PPP1R14D: variants seen among roughly 807,000 people sequenced by gnomAD.
The protein encoded by PPP1R14D is protein phosphatase 1 regulatory subunit 14D.
PPP1R14D carries 14 observed loss-of-function variants against 17.1 expected under a neutral mutation model. That is an observed-to-expected ratio of 0.82 (90% CI 0.54 to 1.28). The LOEUF is 1.28. Among genes scored for constraint, PPP1R14D ranks in the 50% most tolerant of loss-of-function variants. The pLI, the probability that PPP1R14D is intolerant of heterozygous loss-of-function variation, is 0.00. For synonymous variants in PPP1R14D, 67 were observed against 66.1 expected (o/e 1.01, Z -0.06); for missense variants, 173 against 179.2 (o/e 0.97, Z 0.20).
At chr15:40,825,212 G>C (rs1040088187) in intron 1 of PPP1R14D, among the ~76,000 whole-genome samples, 4 of 151,716 alleles carry the variant, frequency 2.6e-5, no homozygotes, top group Non-Finnish European at 5.9e-5. Context: ...TTGAACCTGG[G>C]AGGCGGAGGT....
intron 1 of PPP1R14D, among the ~76,000 whole-genome samples, chr15:40,816,595 C>T (rs1890671400): frequency 6.6e-6 from 1 of 151,552 alleles, no homozygotes; most frequent in African/African-American, 2.4e-5. Flanking sequence ...CGCCTGTAAT[C>T]CCAGCTACTT....
intron 3 of PPP1R14D, 53 bp downstream of exon 3, chr15:40,815,909 C>T: frequency 2.5e-6 from 4 of 1,595,280 alleles, no homozygotes; most frequent in Non-Finnish European, 3.4e-6. Context: ...TCATTAGCTA[C>T]CTCCCCCATT....
At chr15:40,826,244 A>G (rs949675103) in intron 1 of PPP1R14D, among the ~76,000 whole-genome samples, 19 of 152,148 alleles carry the variant, frequency 1.2e-4, no homozygotes, top group African/African-American at 4.6e-4. Context: ...TAGTTTCGAG[A>G]TAGACTGGGT....
At chr15:40,821,333 T>A (rs934674455) in intron 1 of PPP1R14D, among the ~76,000 whole-genome samples, 1 of 151,562 alleles carries the variant, frequency 6.6e-6, no homozygotes, top group Admixed American at 6.6e-5. Flanking sequence ...AGAGTCTGTC[T>A]CAAAACAAAC....
chr15:40,817,234 G>A (rs1208427014), intron 1 of PPP1R14D: 2 of 303,376 alleles, frequency 6.6e-6, no homozygotes, highest in South Asian at 4.7e-5. Flanking sequence ...GCGCATACCC[G>A]TAATCCCAGC....
intron 1 of PPP1R14D, among the ~76,000 whole-genome samples, chr15:40,818,327 G>A (rs1400584561): frequency 2.0e-5 from 3 of 148,952 alleles, no homozygotes; most frequent in Non-Finnish European, 3.0e-5. Context: ...ACATGCACAC[G>A]GATGATCTAT....
At chr15:40,820,943 G>C (rs1890765329) in intron 1 of PPP1R14D, among the ~76,000 whole-genome samples, 1 of 151,422 alleles carries the variant, frequency 6.6e-6, no homozygotes, top group African/African-American at 2.4e-5. Context: ...TCGGCACTTT[G>C]GTGGGGGTTA....
At chr15:40,817,296 G>A (rs1245321211) in intron 1 of PPP1R14D, 1 of 285,446 alleles carries the variant, frequency 3.5e-6, no homozygotes, top group Non-Finnish European at 7.7e-6. Context: ...GGCAGAAGTT[G>A]CAGAGAATGG....
chr15:40,824,508 C>A (rs901336355), intron 1 of PPP1R14D, among the ~76,000 whole-genome samples: 1 of 151,806 alleles, frequency 6.6e-6, no homozygotes, highest in Non-Finnish European at 1.5e-5. Flanking sequence ...GTGGTTGGAA[C>A]CACAGGCACG....
intron 1 of PPP1R14D, among the ~76,000 whole-genome samples, chr15:40,816,834 G>A (rs8040925): frequency 0.023 from 3,514 of 152,280 alleles, 133 homozygotes; most frequent in African/African-American, 0.081. Context: ...CACTTTGGGA[G>A]GCTGAGGTGG....
chr15:40,819,925 G>A (rs1890742045), intron 1 of PPP1R14D, among the ~76,000 whole-genome samples: 1 of 151,434 alleles, frequency 6.6e-6, no homozygotes, highest in Non-Finnish European at 1.5e-5. Flanking sequence ...GGAGTGCAAT[G>A]GCATGATCTC....
chr15:40,828,156 T>C lies in PPP1R14D; in HGVS notation c.255+231A>G, dbSNP rs1442585880. On this transcript the variant is annotated intron_variant, in intron 1 of 3. Transcript: ENST00000299174. ...AGGCACTAACAGCCCTATTATAGAT[T>C]AGGGATGTTAAAAGACCTTCCCCAG... 2.6e-5 allele frequency among the ~76,000 whole-genome samples: 4 copies of C among 152,124 alleles called. No individual in the cohort carries two copies. In the East Asian group the frequency reaches 7.7e-4, roughly 29 times the overall value.
intron 1 of PPP1R14D, among the ~76,000 whole-genome samples, chr15:40,824,829 C>T (rs889981079): frequency 1.3e-5 from 2 of 152,078 alleles, no homozygotes; most frequent in African/African-American, 2.4e-5. Context: ...TAGATTTACC[C>T]CCAAGGCAGT....
intron 1 of PPP1R14D, among the ~76,000 whole-genome samples, chr15:40,825,582 A>C (rs1890857359): frequency 6.6e-6 from 1 of 152,214 alleles, no homozygotes; most frequent in Non-Finnish European, 1.5e-5. Context: ...TTGTATCCTT[A>C]GATGCTTTCC....
chr15:40,822,549 G>A (rs1890798826), intron 1 of PPP1R14D, among the ~76,000 whole-genome samples: 1 of 151,876 alleles, frequency 6.6e-6, no homozygotes, highest in South Asian at 2.1e-4. Context: ...TGCCTCCCGG[G>A]TTCAAGTGAT....
intron 1 of PPP1R14D, among the ~76,000 whole-genome samples, chr15:40,820,135 G>A (rs1384389277): frequency 6.6e-6 from 1 of 151,166 alleles, no homozygotes; most frequent in Admixed American, 6.6e-5. Flanking sequence ...CAAAGTGCTG[G>A]GATTACAGGC....
chr15:40,815,846 C>T, intron 3 of PPP1R14D, 85 bp from the exon 4 acceptor site: 1 of 1,414,578 alleles, frequency 7.1e-7, no homozygotes, highest in Non-Finnish European at 9.8e-7. Flanking sequence ...CTGCCCCTGA[C>T]TCCCCAGAGA....
In PPP1R14D at chr15:40,828,438, G is replaced by C; in HGVS notation, c.204C>G (p.Arg68=). 6.2e-7 allele frequency: 1 copy of C among 1,613,872 alleles called. No individual in the cohort carries two copies. Among genetic ancestry groups the C allele is most frequent in the Admixed American group, 1.7e-5 (1 of 59,984 alleles). The change falls in exon 1 of 4, where the codon CGC becomes CGG. Residue 68 remains arginine, a synonymous_variant. Coordinates refer to ENST00000299174, the MANE Select transcript of PPP1R14D (RefSeq NM_017726.8). ...CCACCCATTGCTCCATCTCCAGCCA[G>C]CGCTGGAGCTGGCCCCGGTCATACT... The part of the protein sequence containing the change: ...TVKYDRGQLQ[R]WLEMEQWVDA...
chr15:40,815,685 GTC>G lies in PPP1R14D; in HGVS notation c.*9_*10del. ...GGCAGTGCTGAGGCTGCTAAAGATG[GTC>G]TCTCAGGCTTATTTCTGAGGCCGGC... On this transcript the variant is annotated 3_prime_UTR_variant, in exon 4 of 4. Coordinates refer to ENST00000299174, the MANE Select transcript of PPP1R14D (RefSeq NM_017726.8). The G allele has an allele frequency of 6.2e-7, 1 of 1,613,682 alleles. No individual in the cohort carries two copies. Among genetic ancestry groups the G allele is most frequent in the Non-Finnish European group, 8.5e-7 (1 of 1,179,784 alleles).
Sources: gnomAD v4.1 joint callset for allele counts (sites outside exome capture counted in the v4.1 genomes callset) on GRCh38, gnomAD v4.1.1 for gene constraint, MANE v1.5 for transcripts, NCBI Gene and HGNC (gene_info 2026-07-23, HGNC 2026-07-21) for gene names.